Variants in PDE4B observed in about 807,000 individuals in gnomAD.
PDE4B encodes the protein phosphodiesterase 4B, also known as 3',5'-cyclic-AMP phosphodiesterase 4B.
A neutral mutation model predicts 82.2 loss-of-function variants in PDE4B; 20 were observed. That is an observed-to-expected ratio of 0.24 (90% CI 0.17 to 0.35). The LOEUF (loss-of-function observed/expected upper bound fraction) is 0.35. PDE4B is among the 10% of genes least tolerant of loss of function. PDE4B has a pLI of 1.00. For synonymous variants in PDE4B, 320 were observed against 318.9 expected (o/e 1.00, Z -0.04); for missense variants, 655 against 907.2 (o/e 0.72, Z 3.57).
intron 1 of PDE4B, among the ~76,000 whole-genome samples, chr1:65,903,339 C>T (rs1213854045): frequency 6.6e-6 from 1 of 152,054 alleles, no homozygotes; most frequent in African/African-American, 2.4e-5. Flanking sequence ...TAGGGCAAAG[C>T]TTAATTTCTC....
At chr1:66,313,980 A>G (rs1658847282) in intron 7 of PDE4B, among the ~76,000 whole-genome samples, 1 of 152,112 alleles carries the variant, frequency 6.6e-6, no homozygotes, top group Non-Finnish European at 1.5e-5. Flanking sequence ...CCTCACATGT[A>G]TCAGTGAGGG....
intron 1 of PDE4B, among the ~76,000 whole-genome samples, chr1:65,887,241 T>TC (rs1491400853): frequency 1.5e-4 from 2 of 13,662 alleles, no homozygotes; most frequent in East Asian, 2.7e-3. Flanking sequence ...TTTCTTTCTT[T>TC]CTTTCTTTTC....
At chr1:66,253,543 A>C (rs901277837) in intron 4 of PDE4B, among the ~76,000 whole-genome samples, 6 of 152,192 alleles carry the variant, frequency 3.9e-5, no homozygotes, top group African/African-American at 1.2e-4. Context: ...GAATATCTGG[A>C]CTTGCTCCTG....
At chr1:66,200,771 A>G (rs1648842794) in intron 3 of PDE4B, among the ~76,000 whole-genome samples, 1 of 152,190 alleles carries the variant, frequency 6.6e-6, no homozygotes, top group South Asian at 2.1e-4. Context: ...TTTTCTAGAT[A>G]TACAATCATG....
intron 3 of PDE4B, among the ~76,000 whole-genome samples, chr1:66,119,624 G>A (rs1314476048): frequency 1.3e-5 from 2 of 152,182 alleles, no homozygotes; most frequent in African/African-American, 4.8e-5. Context: ...CTTCTGCTGG[G>A]ATTTCCAATT....
intron 3 of PDE4B, among the ~76,000 whole-genome samples, chr1:66,220,274 A>G (rs1178248507): frequency 6.6e-6 from 1 of 152,184 alleles, no homozygotes; most frequent in Non-Finnish European, 1.5e-5. Flanking sequence ...TTATGGATCT[A>G]GATTAATATT....
At chr1:66,187,257 G>T (rs1045527201) in intron 3 of PDE4B, among the ~76,000 whole-genome samples, 9 of 151,682 alleles carry the variant, frequency 5.9e-5, no homozygotes, top group Admixed American at 5.9e-4. Flanking sequence ...GAGGATTTTT[G>T]CATCAATGTT....
chr1:65,974,596 C>T (rs952984632), intron 3 of PDE4B, among the ~76,000 whole-genome samples: 1 of 151,988 alleles, frequency 6.6e-6, no homozygotes, highest in African/African-American at 2.4e-5. Context: ...GTGTCCCTGC[C>T]CAAATCTCAT....
intron 7 of PDE4B, among the ~76,000 whole-genome samples, chr1:66,304,128 G>A (rs1190816551): frequency 1.3e-5 from 2 of 152,044 alleles, no homozygotes; most frequent in East Asian, 3.8e-4. Context: ...GAGTTAATAA[G>A]CATATTAATA....
Position 66,205,699 on chromosome 1 carries a change from ATGT to A in PDE4B, c.282-41757_282-41755del, listed in dbSNP as rs1649489395. Among the ~76,000 whole-genome samples, 7 of 152,352 alleles carry A rather than the reference ATGT, an allele frequency of 4.6e-5. No homozygotes were observed. In the South Asian group the frequency reaches 1.4e-3, roughly 32 times the overall value. ...GATATTCCATTTGATCATGCCAACA[ATGT>A]TGTGAAAGATGGCATTATAATTCAT... is the stretch of plus-strand genomic sequence containing the variant. On this transcript the variant is annotated intron_variant, in intron 3 of 16. Coordinates refer to ENST00000341517, the MANE Select transcript of PDE4B (RefSeq NM_002600.4).
At chr1:65,882,299 C>T (rs1412309711) in intron 1 of PDE4B, among the ~76,000 whole-genome samples, 5 of 152,186 alleles carry the variant, frequency 3.3e-5, no homozygotes, top group African/African-American at 1.2e-4. Context: ...TTCCAACTGG[C>T]TGACTTTCAG....
At chr1:66,192,002 A>G (rs1647853297) in intron 3 of PDE4B, among the ~76,000 whole-genome samples, 1 of 152,168 alleles carries the variant, frequency 6.6e-6, no homozygotes, top group Non-Finnish European at 1.5e-5. Context: ...ACAATTCAAG[A>G]TGAGATTTGG....
chr1:65,905,449 A>T (rs1220523030), intron 1 of PDE4B, among the ~76,000 whole-genome samples: 1 of 152,126 alleles, frequency 6.6e-6, no homozygotes, highest in Non-Finnish European at 1.5e-5. Context: ...TGGGGAAGCA[A>T]GTGGAAGCAA....
chr1:65,827,941 A>G (rs1646038372), intron 1 of PDE4B, among the ~76,000 whole-genome samples: 1 of 152,240 alleles, frequency 6.6e-6, no homozygotes, highest in African/African-American at 2.4e-5. Flanking sequence ...AATAAGAATT[A>G]TAGCAGGCTC....
intron 3 of PDE4B, among the ~76,000 whole-genome samples, chr1:66,158,438 G>A (rs1274931227): frequency 6.6e-6 from 1 of 152,108 alleles, no homozygotes; most frequent in Non-Finnish European, 1.5e-5. Context: ...AATTGTCAGG[G>A]AAATGCAAAT....
intron 3 of PDE4B, among the ~76,000 whole-genome samples, chr1:66,236,733 T>A (rs1448598620): frequency 7.2e-5 from 11 of 151,968 alleles, no homozygotes; most frequent in Non-Finnish European, 1.6e-4. Flanking sequence ...GAGGACAGGG[T>A]TCAGGACAGA....
chr1:66,297,853 G>T (rs944099899), intron 7 of PDE4B, among the ~76,000 whole-genome samples: 1 of 152,066 alleles, frequency 6.6e-6, no homozygotes, highest in Non-Finnish European at 1.5e-5. Flanking sequence ...CATGGTGTAG[G>T]TAGTAAAGTT....
At position 65,996,342 on chromosome 1, in the gene PDE4B, A is replaced by G. The variant is rs12091536; in HGVS notation, c.281+77507A>G. Among the ~76,000 whole-genome samples the G allele has an allele frequency of 4.9e-3, 749 of 151,472 alleles. 8 individuals carry two copies. Among genetic ancestry groups the G allele is most frequent in the African/African-American group, 0.016 (667 of 41,462 alleles). Reference sequence around the variant, plus strand: ...TTTATCTATATTATTTATATATTATATATAATCTTTTTTCCCCTCAGTGGA... The same window carrying G: ...TTTATCTATATTATTTATATATTATGTATAATCTTTTTTCCCCTCAGTGGA... On this transcript the variant is annotated intron_variant, in intron 3 of 16. Coordinates refer to ENST00000341517, the MANE Select transcript of PDE4B (RefSeq NM_002600.4).
intron 3 of PDE4B, among the ~76,000 whole-genome samples, chr1:65,922,949 T>G (rs886640503): frequency 6.6e-6 from 1 of 152,196 alleles, no homozygotes; most frequent in Non-Finnish European, 1.5e-5. Context: ...TACTGCCATC[T>G]TTGTGAAGCT....
Sources: gnomAD v4.1 joint callset for allele counts (sites outside exome capture counted in the v4.1 genomes callset) on GRCh38, gnomAD v4.1.1 for gene constraint, MANE v1.5 for transcripts, NCBI Gene and HGNC (gene_info 2026-07-23, HGNC 2026-07-21) for gene names.